CCDC183: variants seen among roughly 807,000 people sequenced by gnomAD.
CCDC183 encodes coiled-coil domain containing 183, also known as coiled-coil domain-containing protein 183.
In CCDC183, 63 loss-of-function variants were observed where a neutral mutation model predicts 65.2. The ratio of observed to expected loss-of-function variants is 0.97; its 90% CI spans 0.79 to 1.19. The LOEUF (loss-of-function observed/expected upper bound fraction) is 1.19, where lower values mean the gene tolerates loss of function less well. Ranked by LOEUF, CCDC183 falls within the 50% of genes most tolerant of loss-of-function variation. CCDC183 has a pLI of 0.00. For synonymous variants in CCDC183, 323 were observed against 276.5 expected, an observed-to-expected ratio of 1.17 and a Z score of -1.67; for missense variants, 769 against 689.3, an observed-to-expected ratio of 1.12 and a Z score of -1.30.
Position 136,796,436 on chromosome 9 carries a change from C to G in CCDC183, c.39C>G (p.Thr13=). ...RHSETDVEEQ[T]QELKTITQLQ... ...GTGAGACAGATGTGGAAGAGCAGAC[C>G]CAGGAGCTGAAGACCATCACTCAGC... The change falls in exon 1 of 14, where the codon ACC becomes ACG. Residue 13 remains threonine, a synonymous_variant. Transcript: ENST00000338005. 4.4e-6 allele frequency: 7 copies of G among 1,580,560 alleles called. No individual in the cohort carries two copies. Among genetic ancestry groups the G allele is most frequent in the Non-Finnish European group, 6.0e-6 (7 of 1,163,154 alleles).
chr9:136,800,470 G>A lies in CCDC183; in HGVS notation c.520G>A (p.Asp174Asn), dbSNP rs112607336. 10 of 1,611,496 alleles carry A rather than the reference G, an allele frequency of 6.2e-6. No individual in the cohort carries two copies. Among genetic ancestry groups the A allele is most frequent in the Non-Finnish European group, 8.5e-6 (10 of 1,178,714 alleles). The change falls in exon 5 of 14, where the codon GAC becomes AAC. Residue 174 changes from aspartate (D) to asparagine (N), a missense_variant. Physicochemically the swap from Asp to Asn is conservative, Grantham distance 23. Coordinates refer to ENST00000338005, the MANE Select transcript of CCDC183 (RefSeq NM_001039374.5). Reference protein sequence around the residue: ...TSQNIHLLYLDLLDYLKTVLA... With the variant: ...TSQNIHLLYLNLLDYLKTVLA... ...CCAGAACATCCACCTGCTGTATTTGGACCTGCTGGATTATCTGAAGACAGT... is the reference window on the plus strand; with the variant it reads ...CCAGAACATCCACCTGCTGTATTTGAACCTGCTGGATTATCTGAAGACAGT...
intron 8 of CCDC183, 110 bp from the exon 9 acceptor site, chr9:136,805,247 C>G (rs1847821789): frequency 5.9e-6 from 5 of 843,386 alleles, no homozygotes; most frequent in Non-Finnish European, 9.4e-6. Context: ...ATGCCTGTGT[C>G]TTGGGTGGCC....
At chr9:136,800,291 G>T in intron 4 of CCDC183, 98 bp from the exon 5 acceptor site, 3 of 1,444,482 alleles carry the variant, frequency 2.1e-6, no homozygotes, top group South Asian at 2.6e-5. Flanking sequence ...GAGGGGCGGG[G>T]CTAAGAGAGC....
chr9:136,804,957 C>T lies in CCDC183; in HGVS notation c.847+141C>T. 1 of 711,220 alleles carries T rather than the reference C, an allele frequency of 1.4e-6. No homozygotes were observed. The highest frequency in any genetic ancestry group is 1.8e-5 in the South Asian group (1 of 55,996). The allele number at this position is 711,220 out of a possible 1,614,324, so 44.1% of individuals were successfully genotyped here. A position where few individuals can be genotyped will look rare whatever the true frequency, so the allele number is the denominator to read the frequency against. On this transcript the variant is annotated intron_variant, in intron 8 of 13. Transcript: ENST00000338005. The surrounding 1 kb of genome is among the most constrained non-coding windows in gnomAD (Gnocchi z 4.1). ...TGAAGGGAAGGACAGGTCCCTGCCT[C>T]TCCCTCCAGAGGCTGAGAGCCTGTA...
Position 136,804,678 on chromosome 9 carries a change from G to C in CCDC183, c.792+51G>C. 6.2e-7 allele frequency: 1 copy of C among 1,612,914 alleles called. No individual in the cohort carries two copies. The highest frequency in any genetic ancestry group is 8.5e-7 in the Non-Finnish European group (1 of 1,179,416). ...GGCTGCCCATCCCCATGACAGCTGG[G>C]TGGACACAGGCTCAGGGCCACCACT... On this transcript the variant is annotated intron_variant, in intron 7 of 13. Transcript: ENST00000338005. The surrounding 1 kb of genome is among the most constrained non-coding windows in gnomAD (Gnocchi z 4.1).
chr9:136,797,466 T>A (rs373165024), intron 1 of CCDC183, among the ~76,000 whole-genome samples: 2 of 149,578 alleles, frequency 1.3e-5, no homozygotes, highest in East Asian at 3.9e-4. Flanking sequence ...TGAGATGGAG[T>A]CTTGCTCTGT....
intron 1 of CCDC183, among the ~76,000 whole-genome samples, chr9:136,797,135 A>G (rs1182608812): frequency 6.6e-6 from 1 of 152,250 alleles, no homozygotes; most frequent in Non-Finnish European, 1.5e-5. Flanking sequence ...TGCTGGCAGC[A>G]ATACTGCTCT....
chr9:136,799,514 C>T, intron 2 of CCDC183, 199 bp from the exon 3 acceptor site: 2 of 665,738 alleles, frequency 3.0e-6, no homozygotes, highest in Non-Finnish European at 5.0e-6. Context: ...AGGCCCTCCT[C>T]TGCATACCCC....
intron 1 of CCDC183, among the ~76,000 whole-genome samples, chr9:136,798,196 G>A (rs1847682399): frequency 6.6e-6 from 1 of 152,040 alleles, no homozygotes; most frequent in East Asian, 1.9e-4. Context: ...AGTAGAGACG[G>A]GGTTTACCCA....
Position 136,799,199 on chromosome 9 carries a change from C to T in CCDC183, c.168C>T (p.Ala56=), listed in dbSNP as rs1325328578. The change falls in exon 2 of 14, where the codon GCC becomes GCT. Residue 56 remains alanine (A), a synonymous_variant. Coordinates refer to ENST00000338005, the MANE Select transcript of CCDC183 (RefSeq NM_001039374.5). ...ALLRSNIRRG[A]QDWALAKKYD... The stretch of plus-strand genomic sequence containing the variant: ...TGCGCAGCAACATCCGCCGCGGGGC[C>T]CAGGACTGGGCTTTGGCCAAGAAGG... The T allele has an allele frequency of 1.2e-6, 2 of 1,609,128 alleles. No individual in the cohort carries two copies. The highest frequency in any genetic ancestry group is 2.2e-5 in the East Asian group (1 of 44,870).
At chr9:136,806,733 T>A (rs1847861089) in intron 11 of CCDC183, 24 bp from the exon 12 acceptor site, 1 of 1,612,682 alleles carries the variant, frequency 6.2e-7, no homozygotes, top group African/African-American at 1.3e-5. Flanking sequence ...AGAGGGGAGA[T>A]GAGACCCTCC....
rs765976396 is a variant in CCDC183 at position 136,806,230 on chromosome 9, C to T, written c.1101C>T (p.Ser367=). The change falls in exon 10 of 14, where the codon AGC becomes AGT. Residue 367 remains serine (S), a synonymous_variant. Transcript: ENST00000338005. Reference sequence around the variant, plus strand: ...TGCTCAAGTTCCGCCAGAAGCCTAGCTCCATCAGGTGCCCCGGGCTTCCGG... The same window carrying T: ...TGCTCAAGTTCCGCCAGAAGCCTAGTTCCATCAGGTGCCCCGGGCTTCCGG... ...EAVLKFRQKP[S]SISFKSVEKK... is the part of the protein sequence containing the mutation. The T allele has an allele frequency of 3.3e-5, 52 of 1,592,086 alleles. No homozygotes were observed. Among genetic ancestry groups the T allele is most frequent in the Non-Finnish European group, 3.7e-5 (43 of 1,169,420 alleles).
Position 136,807,576 on chromosome 9 carries a change from CT to C in CCDC183, c.1493del (p.Phe498SerfsTer24). On this transcript the variant is annotated frameshift_variant, in exon 14 of 14. Coordinates refer to ENST00000338005, the MANE Select transcript of CCDC183 (RefSeq NM_001039374.5). LOFTEE classifies it high-confidence loss of function. Reference sequence around the variant, plus strand: ...AGCCGCCGCCTCCGCCCGCAGACACCTTCCAGTTCCCCGACATGGACCACAG... The same window carrying C: ...AGCCGCCGCCTCCGCCCGCAGACACCTCCAGTTCCCCGACATGGACCACAG... Reference protein sequence around the residue: ...ENREEDMIDTFQFPDMDHSYV... With the variant: ...ENREEDMIDTXQFPDMDHSYV... 6.2e-7 allele frequency: 1 copy of C among 1,603,040 alleles called. No homozygotes were observed.
Position 136,804,775 on chromosome 9 carries a change from T to TG in CCDC183, c.808dup (p.Asp270GlyfsTer51). On this transcript the variant is annotated frameshift_variant, in exon 8 of 14. Coordinates refer to ENST00000338005, the MANE Select transcript of CCDC183 (RefSeq NM_001039374.5). LOFTEE classifies it high-confidence loss of function. The surrounding 1 kb of genome is among the most constrained non-coding windows in gnomAD (Gnocchi z 4.1). ...ACCTCCCATCAGGGCCAGATGGACT[T>TG]GGACTTCCCCTCGAACCTGATGAGC... The TG allele has an allele frequency of 6.2e-7, 1 of 1,613,838 alleles. No individual in the cohort carries two copies. The highest frequency in any genetic ancestry group is 2.2e-5 in the East Asian group (1 of 44,870).
Position 136,799,712 on chromosome 9 carries a change from G to A in CCDC183, c.193-1G>A, listed in dbSNP as rs1156591560. ...CTAGCTCAGCCGCCGCCGCTCCGCA[G>A]TATGACCAGTGGACCATCTCCAAGG... On this transcript the variant is annotated splice_acceptor_variant, in intron 2 of 13. Transcript: ENST00000338005. LOFTEE classifies it high-confidence loss of function. The A allele has an allele frequency of 6.2e-7, 1 of 1,612,738 alleles. No individual in the cohort carries two copies.
At chr9:136,802,479 C>A (rs1847751039) in intron 5 of CCDC183, among the ~76,000 whole-genome samples, 185 bp from the exon 6 acceptor site, 1 of 152,218 alleles carries the variant, frequency 6.6e-6, no homozygotes, top group Non-Finnish European at 1.5e-5. Flanking sequence ...GTCCACCAGG[C>A]CAGCACTGTC....
Position 136,799,772 on chromosome 9 carries a change from C to A in CCDC183, c.252C>A (p.His84Gln), listed in dbSNP as rs373760902. Reference protein sequence around the residue: ...CGKNLPLRLAHCRSTMEVVRE... With the variant: ...CGKNLPLRLAQCRSTMEVVRE... ...AAAACTTGCCTTTGCGACTGGCGCA[C>A]TGCCGCAGCACCATGGAGGTAACCA... Residue 84 changes from histidine (H) to glutamine (Q), a missense_variant, in exon 3 of 14, where the codon CAC becomes CAA. Coordinates refer to ENST00000338005, the MANE Select transcript of CCDC183 (RefSeq NM_001039374.5). 3 of 1,613,052 alleles carry A rather than the reference C, an allele frequency of 1.9e-6. No individual in the cohort carries two copies. In the Admixed American group the frequency reaches 5.0e-5, roughly 27 times the overall value.
chr9:136,796,481 G>A lies in CCDC183; in HGVS notation c.70+14G>A, dbSNP rs374528150. On this transcript the variant is annotated intron_variant, in intron 1 of 13. Transcript: ENST00000338005. ...CTCAGCTCCAGGGTGAGCCTGCACC[G>A]CCGTGACCAGTCTCCCTTTCCCGTC... 177 of 1,549,466 alleles carry A rather than the reference G, an allele frequency of 1.1e-4. No homozygotes were observed. Among genetic ancestry groups the A allele is most frequent in the Non-Finnish European group, 1.1e-4 (125 of 1,142,388 alleles).
At chr9:136,807,241 G>C in intron 13 of CCDC183, 175 bp downstream of exon 13, 1 of 659,198 alleles carries the variant, frequency 1.5e-6, no homozygotes. Context: ...GCCATGGGGA[G>C]GCTAAAGCCA....
Sources: allele counts gnomAD v4.1 joint callset (sites outside exome capture counted in the v4.1 genomes callset), GRCh38; gene constraint gnomAD v4.1.1; non-coding constraint Gnocchi (gnomAD v3.1); transcripts MANE v1.5; gene names NCBI Gene and HGNC (gene_info 2026-07-23, HGNC 2026-07-21).